MEGF9: variants seen among roughly 807,000 people sequenced by gnomAD.
The protein encoded by MEGF9 is multiple EGF like domains 9, also known as multiple epidermal growth factor-like domains protein 9.
Under a neutral mutation model 46.8 loss-of-function variants are expected in MEGF9, and 6 were observed. That is an observed-to-expected ratio of 0.13 (90% CI 0.07 to 0.25). The LOEUF (loss-of-function observed/expected upper bound fraction) is 0.25. MEGF9 is among the 10% of genes least tolerant of loss of function. The probability of loss-of-function intolerance (pLI) is 1.00; values close to 1 mark genes in which losing one functional copy is unlikely to be tolerated. For synonymous variants in MEGF9, 302 were observed against 330.7 expected (o/e 0.91, Z 0.94); for missense variants, 683 against 792.4 (o/e 0.86, Z 1.66).
chr9:120,663,883 C>T lies in MEGF9; in HGVS notation c.602-4308G>A, dbSNP rs142038899. Among the ~76,000 whole-genome samples, 435 of 152,220 alleles carry T rather than the reference C, an allele frequency of 2.9e-3. 1 individual carries two copies. Among genetic ancestry groups the T allele is most frequent in the Non-Finnish European group, 5.0e-3 (338 of 68,020 alleles). On this transcript the variant is annotated intron_variant, in intron 1 of 5. Coordinates refer to ENST00000373930, the MANE Select transcript of MEGF9 (RefSeq NM_001080497.3). Reference sequence around the variant, plus strand: ...TCTTGGCAACATTATTTCCTTTTATCGCCTGGCTTCTGAAGAACAATAAAA... The same window carrying T: ...TCTTGGCAACATTATTTCCTTTTATTGCCTGGCTTCTGAAGAACAATAAAA...
chr9:120,605,051 C>T lies in MEGF9; in HGVS notation c.*139G>A. 1 of 807,722 alleles carries T rather than the reference C, an allele frequency of 1.2e-6. No individual in the cohort carries two copies. The highest frequency in any genetic ancestry group is 1.9e-6 in the Non-Finnish European group (1 of 521,056). 50.0% of individuals were successfully genotyped at this position (807,722 alleles called of 1,614,324 possible). ...AGCAATAGATAGGCTAAGCGCATTA[C>T]AAATTTGTACCTGAAAATTTCAGAT... is the stretch of plus-strand genomic sequence containing the variant. On this transcript the variant is annotated 3_prime_UTR_variant, in exon 6 of 6. Transcript: ENST00000373930. This position sits in a 1 kb window ranked among gnomAD's most constrained non-coding sequence, Gnocchi z 4.0.
At chr9:120,625,833 C>CA (rs763605820) in intron 2 of MEGF9, among the ~76,000 whole-genome samples, 1,279 of 113,110 alleles carry the variant, frequency 0.011, 26 homozygotes, top group African/African-American at 0.039. Flanking sequence ...CTCTGTCTCA[C>CA]AAAAAAAAAA....
intron 2 of MEGF9, among the ~76,000 whole-genome samples, chr9:120,654,177 A>T (rs889701823): frequency 1.3e-5 from 2 of 152,240 alleles, no homozygotes; most frequent in African/African-American, 4.8e-5. Context: ...ATCCTTCCAG[A>T]TTTCACTTAG....
Position 120,659,566 on chromosome 9 carries a change from C to G in MEGF9, c.611G>C (p.Cys204Ser), listed in dbSNP as rs1411303328. 5 of 1,609,672 alleles carry G rather than the reference C, an allele frequency of 3.1e-6. No homozygotes were observed. The highest frequency in any genetic ancestry group is 4.2e-6 in the Non-Finnish European group (5 of 1,177,824). Residue 204 changes from cysteine (C) to serine (S), a missense_variant, in exon 2 of 6, where the codon TGT becomes TCT. Coordinates refer to ENST00000373930, the MANE Select transcript of MEGF9 (RefSeq NM_001080497.3). ...CAGGCTTCCAACCACAGAGCAGTTA[C>G]ATACATACTCTGCAAAGGAAAGAAG... ...APSSPPPEYVCNCSVVGSLNV... is the reference protein window; with the variant it reads ...APSSPPPEYVSNCSVVGSLNV...
chr9:120,699,426 T>TA (rs1241407664), intron 1 of MEGF9, among the ~76,000 whole-genome samples: 8 of 152,104 alleles, frequency 5.3e-5, no homozygotes, highest in African/African-American at 7.2e-5. Flanking sequence ...TTTATAATTG[T>TA]AAAAAAACTG....
chr9:120,687,411 T>A (rs1275939274), intron 1 of MEGF9, among the ~76,000 whole-genome samples: 1 of 152,026 alleles, frequency 6.6e-6, no homozygotes, highest in African/African-American at 2.4e-5. Flanking sequence ...CTAGAGAAAC[T>A]CACCTACAAG....
At chr9:120,671,305 G>T (rs1447526870) in intron 1 of MEGF9, among the ~76,000 whole-genome samples, 1 of 152,104 alleles carries the variant, frequency 6.6e-6, no homozygotes, top group Non-Finnish European at 1.5e-5. Context: ...CCCCATCAAG[G>T]CCCCAAACAT....
At chr9:120,689,953 GA>G (rs1328706666) in intron 1 of MEGF9, 3 of 532,626 alleles carry the variant, frequency 5.6e-6, no homozygotes, top group South Asian at 4.2e-5. Flanking sequence ...GAGACTCTAA[GA>G]TTCATGACTG....
chr9:120,633,198 T>C (rs577880322), intron 2 of MEGF9, among the ~76,000 whole-genome samples: 1 of 152,190 alleles, frequency 6.6e-6, no homozygotes, highest in African/African-American at 2.4e-5. Flanking sequence ...TTGGTAGAAT[T>C]TGGCTATGAA....
At chr9:120,685,851 T>C (rs1205614749) in intron 1 of MEGF9, among the ~76,000 whole-genome samples, 7 of 152,040 alleles carry the variant, frequency 4.6e-5, no homozygotes, top group Non-Finnish European at 7.4e-5. Context: ...AGAAAGAAAA[T>C]GTGGCATCTA....
At chr9:120,611,406 T>C (rs1348747089) in intron 4 of MEGF9, among the ~76,000 whole-genome samples, 1 of 152,076 alleles carries the variant, frequency 6.6e-6, no homozygotes, top group Non-Finnish European at 1.5e-5. Flanking sequence ...ATATATTATT[T>C]AGTAACAAAA....
chr9:120,671,124 T>G (rs1395932100), intron 1 of MEGF9, among the ~76,000 whole-genome samples: 1 of 152,228 alleles, frequency 6.6e-6, no homozygotes, highest in Non-Finnish European at 1.5e-5. Context: ...CTGATACCCC[T>G]TCCTCTTTGA....
chr9:120,709,977 G>C (rs938555081), intron 1 of MEGF9, among the ~76,000 whole-genome samples: 7 of 148,852 alleles, frequency 4.7e-5, no homozygotes, highest in Non-Finnish European at 8.9e-5. Flanking sequence ...TGAACCCGGA[G>C]GTGGAGGTTG....
chr9:120,628,723 T>C (rs982604964), intron 2 of MEGF9, among the ~76,000 whole-genome samples: 1 of 152,112 alleles, frequency 6.6e-6, no homozygotes, highest in Non-Finnish European at 1.5e-5. Context: ...AGGGAGACTT[T>C]ATTTTTATTA....
chr9:120,632,798 G>A lies in MEGF9; in HGVS notation c.804-10043C>T, dbSNP rs191229005. On this transcript the variant is annotated intron_variant, in intron 2 of 5. Coordinates refer to ENST00000373930, the MANE Select transcript of MEGF9 (RefSeq NM_001080497.3). The stretch of plus-strand genomic sequence containing the variant: ...TCTATTTTTTGAGTGTTTTTATCAC[G>A]AAGGAATGTTGAATTTTATCAAATG... 1.1e-3 allele frequency among the ~76,000 whole-genome samples: 165 copies of A among 152,192 alleles called. 2 individuals carry two copies. The highest frequency in any genetic ancestry group is 2.0e-3 in the Admixed American group (31 of 15,288).
intron 2 of MEGF9, among the ~76,000 whole-genome samples, chr9:120,629,570 G>A (rs1210757945): frequency 1.3e-5 from 2 of 152,080 alleles, no homozygotes; most frequent in South Asian, 2.1e-4. Context: ...TCTGGGAGGC[G>A]GAGGTTGTTG....
At chr9:120,625,618 G>A (rs926532466) in intron 2 of MEGF9, among the ~76,000 whole-genome samples, 1 of 151,834 alleles carries the variant, frequency 6.6e-6, no homozygotes, top group Admixed American at 6.6e-5. Flanking sequence ...AGTGGATCAC[G>A]AGGGCAGGAG....
At chr9:120,673,706 G>A (rs370303376) in intron 1 of MEGF9, among the ~76,000 whole-genome samples, 6 of 151,872 alleles carry the variant, frequency 4.0e-5, no homozygotes, top group South Asian at 2.1e-4. Context: ...GGTGGCTCAC[G>A]CCTGCAATCC....
chr9:120,646,777 G>A (rs1168365187), intron 2 of MEGF9, among the ~76,000 whole-genome samples: 1 of 151,982 alleles, frequency 6.6e-6, no homozygotes, highest in Admixed American at 6.6e-5. Context: ...CTCTCACAAG[G>A]CTTATTAAAT....
Sources: allele counts gnomAD v4.1 joint callset (sites outside exome capture counted in the v4.1 genomes callset), GRCh38; gene constraint gnomAD v4.1.1; non-coding constraint Gnocchi (gnomAD v3.1); transcripts MANE v1.5; gene names NCBI Gene and HGNC (gene_info 2026-07-23, HGNC 2026-07-21).